CUL1: variants seen among roughly 807,000 people sequenced by gnomAD.
The protein encoded by CUL1 is cullin 1.
A neutral mutation model predicts 118.0 loss-of-function variants in CUL1; 24 were observed. The ratio of observed to expected loss-of-function variants is 0.20; its 90% CI spans 0.15 to 0.29. CUL1 has a LOEUF of 0.29. Among genes scored for constraint, CUL1 ranks in the 10% least tolerant of loss-of-function variants. CUL1 has a pLI of 1.00. For synonymous variants in CUL1, 332 were observed against 340.4 expected, an observed-to-expected ratio of 0.98 and a Z score of 0.27; for missense variants, 361 against 933.8, an observed-to-expected ratio of 0.39 and a Z score of 7.99.
chr7:148,699,381 G>T (rs1797638322), intron 1 of CUL1, among the ~76,000 whole-genome samples: 1 of 152,116 alleles, frequency 6.6e-6, no homozygotes, highest in East Asian at 1.9e-4. Flanking sequence ...ACCGGGCTGG[G>T]TTCTCGGAGG....
intron 2 of CUL1, among the ~76,000 whole-genome samples, 188 bp downstream of exon 2, chr7:148,730,450 C>G (rs1167285555): frequency 6.6e-6 from 1 of 152,146 alleles, no homozygotes; most frequent in Non-Finnish European, 1.5e-5. Flanking sequence ...AAATGCAGCA[C>G]TGGGCAGTAC....
intron 1 of CUL1, among the ~76,000 whole-genome samples, chr7:148,704,646 AG>A (rs141987736): frequency 6.6e-6 from 1 of 152,326 alleles, no homozygotes; most frequent in Non-Finnish European, 1.5e-5. Context: ...ATGAACATTT[AG>A]TTAGTATTAA....
At chr7:148,699,992 G>A (rs553118279) in intron 1 of CUL1, among the ~76,000 whole-genome samples, 1 of 152,284 alleles carries the variant, frequency 6.6e-6, no homozygotes, top group African/African-American at 2.4e-5. Flanking sequence ...AGATAAGAAA[G>A]AGAGGAATGC....
At chr7:148,764,827 A>G (rs1799951349) in intron 7 of CUL1, among the ~76,000 whole-genome samples, 1 of 152,256 alleles carries the variant, frequency 6.6e-6, no homozygotes, top group South Asian at 2.1e-4. Flanking sequence ...TAAACCTACA[A>G]GCCTGGGGCA....
Position 148,754,013 on chromosome 7 carries a change from A to C in CUL1, c.178A>C (p.Asn60His), listed in dbSNP as rs1397876437. Reference protein sequence around the residue: ...YNYCTSVHQSNQARGAGVPPS... With the variant: ...YNYCTSVHQSHQARGAGVPPS... Reference sequence around the variant, plus strand: ...CTACTGTACTAGTGTTCACCAGTCAAACCAAGCACGAGGAGCTGGAGTTCC... The same window carrying C: ...CTACTGTACTAGTGTTCACCAGTCACACCAAGCACGAGGAGCTGGAGTTCC... The change falls in exon 3 of 22, where the codon AAC (asparagine) becomes CAC (histidine). Residue 60 changes from asparagine (N) to histidine (H), a missense_variant. This residue lies in a region of CUL1 where 49 missense variants were observed against 67.4 expected (regional missense o/e 0.73). Transcript: ENST00000325222. The C allele has an allele frequency of 6.2e-7, 1 of 1,613,194 alleles. No individual in the cohort carries two copies. The highest frequency in any genetic ancestry group is 2.2e-5 in the East Asian group (1 of 44,876).
At chr7:148,720,259 A>T (rs1798357307) in intron 1 of CUL1, among the ~76,000 whole-genome samples, 1 of 152,182 alleles carries the variant, frequency 6.6e-6, no homozygotes, top group African/African-American at 2.4e-5. Flanking sequence ...GGGCAACAAT[A>T]TGGAGGATGG....
chr7:148,727,729 T>A (rs1798633811), intron 1 of CUL1, among the ~76,000 whole-genome samples: 1 of 151,586 alleles, frequency 6.6e-6, no homozygotes, highest in South Asian at 2.1e-4. Flanking sequence ...CAGTAGCAGA[T>A]GCAGAGATCC....
intron 2 of CUL1, among the ~76,000 whole-genome samples, chr7:148,749,760 C>G (rs1189400645): frequency 6.6e-6 from 1 of 152,140 alleles, no homozygotes; most frequent in Non-Finnish European, 1.5e-5. Context: ...CACTTTAGAT[C>G]AAAAACTAGC....
At chr7:148,757,207 G>A in intron 4 of CUL1, 57 bp downstream of exon 4, 1 of 1,184,290 alleles carries the variant, frequency 8.4e-7, no homozygotes, top group Non-Finnish European at 1.1e-6. Flanking sequence ...TTTTTTTAAT[G>A]GCAAATTGTC....
intron 9 of CUL1, among the ~76,000 whole-genome samples, chr7:148,772,236 G>A (rs549561597): frequency 2.4e-4 from 37 of 152,182 alleles, no homozygotes; most frequent in Admixed American, 2.0e-3. Flanking sequence ...CCAACATGGC[G>A]AAACCCCGTC....
At chr7:148,729,732 C>CTG (rs1798695391) in intron 1 of CUL1, among the ~76,000 whole-genome samples, 1 of 152,172 alleles carries the variant, frequency 6.6e-6, no homozygotes, top group East Asian at 1.9e-4. Flanking sequence ...TGTGCTTGTG[C>CTG]AAACTTTTAC....
At chr7:148,700,737 T>TA (rs1324069302) in intron 1 of CUL1, among the ~76,000 whole-genome samples, 2 of 152,192 alleles carry the variant, frequency 1.3e-5, no homozygotes, top group Non-Finnish European at 2.9e-5. Flanking sequence ...GCTTTCTAAA[T>TA]ATGTTAAACT....
chr7:148,777,252 A>G (rs1234615001), intron 9 of CUL1, among the ~76,000 whole-genome samples: 4 of 152,214 alleles, frequency 2.6e-5, no homozygotes, highest in Non-Finnish European at 5.9e-5. Flanking sequence ...CAAAGGTGAC[A>G]ATGAGATCAA....
chr7:148,773,344 G>T (rs1800283647), intron 9 of CUL1, among the ~76,000 whole-genome samples: 1 of 151,754 alleles, frequency 6.6e-6, no homozygotes. Flanking sequence ...CTTACCTTCT[G>T]CTTGTCTTAG....
intron 2 of CUL1, among the ~76,000 whole-genome samples, chr7:148,741,658 C>T (rs988619430): frequency 3.5e-5 from 4 of 113,572 alleles, no homozygotes; most frequent in African/African-American, 1.3e-4. Flanking sequence ...AGGCTGGTCT[C>T]GAGCTCCTGG....
intron 8 of CUL1, among the ~76,000 whole-genome samples, 165 bp from the exon 9 acceptor site, chr7:148,767,454 C>A (rs886711799): frequency 6.6e-6 from 1 of 151,660 alleles, no homozygotes; most frequent in African/African-American, 2.4e-5. Flanking sequence ...TATACATATA[C>A]CAAATAGAGA....
Position 148,759,293 on chromosome 7 carries a change from T to C in CUL1, c.484-11T>C. On this transcript the variant is annotated splice_polypyrimidine_tract_variant and intron_variant, in intron 4 of 21. Coordinates refer to ENST00000325222, the MANE Select transcript of CUL1 (RefSeq NM_003592.3). ...TAAAAGTATAGACATTTTGTACTTT[T>C]TTTTCTCCAGCTTGCATTGGTGACT... The C allele has an allele frequency of 6.2e-7, 1 of 1,613,538 alleles. No individual in the cohort carries two copies. The highest frequency in any genetic ancestry group is 8.5e-7 in the Non-Finnish European group (1 of 1,179,468).
intron 20 of CUL1, among the ~76,000 whole-genome samples, chr7:148,799,054 C>T (rs1801303651): frequency 6.6e-6 from 1 of 151,866 alleles, no homozygotes; most frequent in Admixed American, 6.6e-5. Context: ...TAAAATTGCT[C>T]AAAAGACCCA....
chr7:148,729,066 A>G (rs1185064723), intron 1 of CUL1, among the ~76,000 whole-genome samples: 1 of 152,226 alleles, frequency 6.6e-6, no homozygotes, highest in Non-Finnish European at 1.5e-5. Flanking sequence ...TCCTTAAATT[A>G]TGTCTGTGAT....
Sources: allele counts gnomAD v4.1 joint callset (sites outside exome capture counted in the v4.1 genomes callset), GRCh38; gene constraint gnomAD v4.1.1; regional missense constraint gnomAD v4.1.1; transcripts MANE v1.5; gene names NCBI Gene and HGNC (gene_info 2026-07-23, HGNC 2026-07-21).